ANO10: variants seen among roughly 807,000 people sequenced by gnomAD.
The protein encoded by ANO10 is anoctamin-10.
In ANO10, 77 loss-of-function variants were observed where a neutral mutation model predicts 74.7. The ratio of observed to expected loss-of-function variants is 1.03; its 90% CI spans 0.86 to 1.25. ANO10 has a LOEUF of 1.25. ANO10 is among the 50% of genes most tolerant of loss of function. The pLI, the probability that ANO10 is intolerant of heterozygous loss-of-function variation, is 0.00. For synonymous variants in ANO10, 279 were observed against 284.9 expected (o/e 0.98, Z 0.21); for missense variants, 721 against 778.1 (o/e 0.93, Z 0.87).
intron 12 of ANO10, among the ~76,000 whole-genome samples, chr3:43,385,132 T>C (rs2125704367): frequency 6.6e-6 from 1 of 151,988 alleles, no homozygotes; most frequent in Non-Finnish European, 1.5e-5. Context: ...ATTCTCAAAA[T>C]AAGATGTACA....
intron 4 of ANO10, among the ~76,000 whole-genome samples, chr3:43,595,216 C>T (rs1327410478): frequency 1.3e-5 from 2 of 152,194 alleles, no homozygotes; most frequent in South Asian, 2.1e-4. Flanking sequence ...CCTTCTGAAA[C>T]TATTCCAATC....
chr3:43,578,211 A>G (rs946709764), intron 5 of ANO10, among the ~76,000 whole-genome samples: 1 of 152,210 alleles, frequency 6.6e-6, no homozygotes, highest in African/African-American at 2.4e-5. Context: ...AAATGAAAAC[A>G]GTAGGTATGA....
Position 43,605,996 on chromosome 3 carries a change from A to C in ANO10, c.-11-133T>G, listed in dbSNP as rs1051986723. The C allele has an allele frequency of 1.2e-5, 11 of 928,538 alleles. No homozygotes were observed. In the African/African-American group the frequency reaches 1.8e-4, roughly 15 times the overall value. 57.5% of individuals were successfully genotyped at this position (928,538 alleles called of 1,614,324 possible). On this transcript the variant is annotated intron_variant, in intron 1 of 12. Transcript: ENST00000292246. ...TAAAAGCAAATTTCTCGTGATTCAG[A>C]TGGGTTATATGACAGACTCAACCAA...
intron 11 of ANO10, among the ~76,000 whole-genome samples, chr3:43,459,057 A>G (rs375504513): frequency 1.3e-5 from 2 of 152,228 alleles, no homozygotes; most frequent in Non-Finnish European, 2.9e-5. Flanking sequence ...GAACATAAAT[A>G]TATGAGAAGA....
chr3:43,659,211 G>A (rs970559248), intron 1 of ANO10, among the ~76,000 whole-genome samples: 2 of 152,202 alleles, frequency 1.3e-5, no homozygotes, highest in African/African-American at 4.8e-5. Context: ...TGGTTGGACA[G>A]TGGGTGCAGC....
At chr3:43,382,602 T>C (rs2091999249) in intron 12 of ANO10, among the ~76,000 whole-genome samples, 1 of 149,882 alleles carries the variant, frequency 6.7e-6, no homozygotes, top group South Asian at 2.1e-4. Flanking sequence ...AAAAGATAAA[T>C]GAAACGAAAA....
intron 11 of ANO10, among the ~76,000 whole-genome samples, chr3:43,487,996 G>A (rs568699263): frequency 2.0e-5 from 3 of 152,210 alleles, no homozygotes; most frequent in African/African-American, 7.2e-5. Flanking sequence ...ACAGAACAGA[G>A]CCCTCACAAA....
In ANO10 at chr3:43,576,746, T is replaced by A; in HGVS notation, c.1108A>T (p.Ile370Phe). ...CGATAGAGACGATTCATGATCTCAA[T>A]CACAATGGCATAGATGATGCTGGGC... Reference protein sequence around the residue: ...YVPSIIYAIVIEIMNRLYRYA... With the variant: ...YVPSIIYAIVFEIMNRLYRYA... Residue 370 changes from isoleucine to phenylalanine, a missense_variant, in exon 6 of 13, where the codon ATT becomes TTT. Transcript: ENST00000292246. 6.2e-7 allele frequency: 1 copy of A among 1,614,120 alleles called. No homozygotes were observed. Among genetic ancestry groups the A allele is most frequent in the Non-Finnish European group, 8.5e-7 (1 of 1,180,022 alleles).
chr3:43,524,723 G>A (rs1011122073), intron 11 of ANO10, among the ~76,000 whole-genome samples: 108 of 152,224 alleles, frequency 7.1e-4, no homozygotes, highest in African/African-American at 2.5e-3. Flanking sequence ...GGGCTCTTCT[G>A]CCAAAACACA....
At chr3:43,393,916 A>AC (rs1194397424) in intron 12 of ANO10, among the ~76,000 whole-genome samples, 2 of 150,562 alleles carry the variant, frequency 1.3e-5, no homozygotes, top group East Asian at 3.9e-4. Flanking sequence ...GCACCTCAAG[A>AC]CCCCCTCTAC....
intron 1 of ANO10, among the ~76,000 whole-genome samples, chr3:43,681,628 TC>T (rs2084202618): frequency 6.6e-6 from 1 of 152,166 alleles, no homozygotes; most frequent in Non-Finnish European, 1.5e-5. Context: ...GAATATACAT[TC>T]TTTTCAGCAC....
chr3:43,524,152 A>G (rs1358407282), intron 11 of ANO10, among the ~76,000 whole-genome samples: 1 of 152,178 alleles, frequency 6.6e-6, no homozygotes, highest in Admixed American at 6.5e-5. Context: ...TTAAGAAAGA[A>G]TAGCCCAGGA....
chr3:43,588,068 T>C (rs902246348), intron 4 of ANO10, among the ~76,000 whole-genome samples: 14 of 152,176 alleles, frequency 9.2e-5, no homozygotes, highest in African/African-American at 3.4e-4. Context: ...GATGGTTTCA[T>C]ATAGAAATTC....
At chr3:43,587,260 G>A (rs1049020118) in intron 4 of ANO10, among the ~76,000 whole-genome samples, 4 of 152,124 alleles carry the variant, frequency 2.6e-5, no homozygotes, top group African/African-American at 9.7e-5. Flanking sequence ...TATAACATAT[G>A]CCTACAGCAC....
intron 5 of ANO10, among the ~76,000 whole-genome samples, chr3:43,579,582 G>T (rs1312565648): frequency 6.6e-6 from 1 of 152,144 alleles, no homozygotes; most frequent in Non-Finnish European, 1.5e-5. Context: ...AGCCAGGCAT[G>T]GTGGCACATG....
intron 12 of ANO10, among the ~76,000 whole-genome samples, chr3:43,420,702 C>T (rs2092807235): frequency 6.6e-6 from 1 of 151,988 alleles, no homozygotes; most frequent in South Asian, 2.1e-4. Context: ...AACTATAACA[C>T]ACACAGGATA....
chr3:43,439,797 C>T (rs1318897167), intron 11 of ANO10, among the ~76,000 whole-genome samples: 2 of 152,064 alleles, frequency 1.3e-5, no homozygotes, highest in Non-Finnish European at 2.9e-5. Flanking sequence ...GGGAGGATCA[C>T]CTGAGCCCAG....
At chr3:43,686,654 C>A (rs547955129) in intron 1 of ANO10, among the ~76,000 whole-genome samples, 3 of 152,284 alleles carry the variant, frequency 2.0e-5, no homozygotes, top group Admixed American at 2.0e-4. Context: ...TAGCTACTAG[C>A]CACGTATGGC....
chr3:43,539,114 C>T (rs1052964311), intron 11 of ANO10, among the ~76,000 whole-genome samples: 7 of 152,148 alleles, frequency 4.6e-5, no homozygotes, highest in Admixed American at 1.3e-4. Flanking sequence ...TCCACTCTCC[C>T]TAAGAAAACC....
Sources: allele counts gnomAD v4.1 joint callset (sites outside exome capture counted in the v4.1 genomes callset), GRCh38; gene constraint gnomAD v4.1.1; transcripts MANE v1.5; gene names NCBI Gene and HGNC (gene_info 2026-07-23, HGNC 2026-07-21).